PSD2: variants seen among roughly 807,000 people sequenced by gnomAD.
PSD2 encodes pleckstrin and Sec7 domain containing 2.
Under a neutral mutation model 69.8 loss-of-function variants are expected in PSD2, and 38 were observed. The ratio of observed to expected loss-of-function variants is 0.54; its 90% CI spans 0.42 to 0.71. The LOEUF (loss-of-function observed/expected upper bound fraction) is 0.71, where lower values mean the gene tolerates loss of function less well. Ranked by LOEUF, PSD2 falls within the 30% of genes least tolerant of loss-of-function variation. The pLI is 0.00. For synonymous variants in PSD2, 412 were observed against 423.0 expected, an observed-to-expected ratio of 0.97 and a Z score of 0.32; for missense variants, 943 against 1,014.5, an observed-to-expected ratio of 0.93 and a Z score of 0.96.
chr5:139,819,857 G>A (rs551359369), intron 5 of PSD2, among the ~76,000 whole-genome samples: 1 of 152,312 alleles, frequency 6.6e-6, no homozygotes, highest in Non-Finnish European at 1.5e-5. Flanking sequence ...AGAGGTGTGG[G>A]TGCTAGACTG....
rs1436938284 is a variant in PSD2, at chr5:139,839,917, G to T, written c.1969-110G>T. On this transcript the variant is annotated intron_variant, in intron 13 of 14. Transcript: ENST00000274710. The surrounding 1 kb of genome is among the most constrained non-coding windows in gnomAD (Gnocchi z 5.1). Reference sequence around the variant, plus strand: ...TCTGTCCCCACATTTTGGTGATGCTGGCTAGGCCTTCATTTCCCTTTGGTG... The same window carrying T: ...TCTGTCCCCACATTTTGGTGATGCTTGCTAGGCCTTCATTTCCCTTTGGTG... The T allele has an allele frequency of 8.0e-7, 1 of 1,255,572 alleles. No homozygotes were observed. The highest frequency in any genetic ancestry group is 1.1e-6 in the Non-Finnish European group (1 of 879,470). The allele number at this position is 1,255,572 out of a possible 1,614,324, so 77.8% of individuals were successfully genotyped here. A position where few individuals can be genotyped will look rare whatever the true frequency, so the allele number is the denominator to read the frequency against.
chr5:139,816,816 C>G (rs543770062), intron 4 of PSD2, among the ~76,000 whole-genome samples: 1 of 152,186 alleles, frequency 6.6e-6, no homozygotes, highest in African/African-American at 2.4e-5. Flanking sequence ...TGGGCTCAGC[C>G]CCACCCTGAG....
intron 1 of PSD2, among the ~76,000 whole-genome samples, chr5:139,803,345 C>G (rs1463786829): frequency 6.6e-6 from 1 of 152,210 alleles, no homozygotes; most frequent in Non-Finnish European, 1.5e-5. Flanking sequence ...GGCTGAGTGG[C>G]CTGTGCTGTG....
At chr5:139,831,315 T>A (rs922286943) in intron 7 of PSD2, among the ~76,000 whole-genome samples, 4 of 152,238 alleles carry the variant, frequency 2.6e-5, no homozygotes, top group African/African-American at 4.8e-5. Context: ...TTCTGTTCTT[T>A]TATATTTAAG....
the PSD2 span, among the ~76,000 whole-genome samples, chr5:139,758,028 G>A: frequency 6.6e-6 from 1 of 152,180 alleles, no homozygotes; most frequent in East Asian, 1.9e-4. Flanking sequence ...GCAAGTGAGT[G>A]AGGACCCTAT....
chr5:139,764,358 C>A, the PSD2 span, among the ~76,000 whole-genome samples: 1 of 152,194 alleles, frequency 6.6e-6, no homozygotes, highest in African/African-American at 2.4e-5. Flanking sequence ...GCTGCAGTTC[C>A]GCCTGGGCTG....
At chr5:139,748,454 C>G in the PSD2 span, among the ~76,000 whole-genome samples, 1 of 152,196 alleles carries the variant, frequency 6.6e-6, no homozygotes, top group African/African-American at 2.4e-5. Context: ...CCGCAATGCT[C>G]GTGCATTAGT....
intron 1 of PSD2, among the ~76,000 whole-genome samples, chr5:139,805,056 G>A (rs745566062): frequency 6.6e-6 from 1 of 152,136 alleles, no homozygotes; most frequent in East Asian, 1.9e-4. Context: ...GCGCATGTGT[G>A]TGTGCACGTG....
chr5:139,771,643 G>T, the PSD2 span, among the ~76,000 whole-genome samples: 1 of 152,152 alleles, frequency 6.6e-6, no homozygotes, highest in Admixed American at 6.5e-5. Flanking sequence ...CTCCCAAAGT[G>T]CTGGGATTAC....
At chr5:139,812,344 G>T (rs1234014454) in intron 2 of PSD2, among the ~76,000 whole-genome samples, 2 of 152,116 alleles carry the variant, frequency 1.3e-5, no homozygotes, top group African/African-American at 4.8e-5. Context: ...AGCTGGGGAA[G>T]AACACTTTGG....
chr5:139,754,114 G>C, the PSD2 span, among the ~76,000 whole-genome samples: 1 of 152,170 alleles, frequency 6.6e-6, no homozygotes, highest in Non-Finnish European at 1.5e-5. Context: ...GGGATTACAG[G>C]CATGAGCCAC....
chr5:139,831,511 A>G (rs1760598671), intron 7 of PSD2, among the ~76,000 whole-genome samples: 2 of 151,794 alleles, frequency 1.3e-5, no homozygotes. Flanking sequence ...TTAGAATTCA[A>G]TTTCCCTGCT....
chr5:139,745,606 G>GC, the PSD2 span, among the ~76,000 whole-genome samples: 11 of 152,336 alleles, frequency 7.2e-5, no homozygotes, highest in East Asian at 1.7e-3. Context: ...TCCTGACTTC[G>GC]CCCCCGTCCC....
upstream of PSD2, among the ~76,000 whole-genome samples, chr5:139,792,790 CCTCTCTTTCTCT>C (rs1215250686): frequency 6.8e-6 from 1 of 147,662 alleles, no homozygotes; most frequent in Non-Finnish European, 1.5e-5. Flanking sequence ...TCCCTCCCTC[CCTCTCTTTCTCT>C]CTCTCTTTTC....
intron 9 of PSD2, 24 bp downstream of exon 9, chr5:139,835,790 G>A: frequency 6.2e-7 from 1 of 1,612,438 alleles, no homozygotes; most frequent in African/African-American, 1.3e-5. Context: ...ATGGGCACAG[G>A]TATGGGGAGC....
chr5:139,753,040 CTG>C, the PSD2 span, among the ~76,000 whole-genome samples: 3 of 152,136 alleles, frequency 2.0e-5, no homozygotes, highest in Admixed American at 2.0e-4. Flanking sequence ...TGCCTTTCTC[CTG>C]GGCTAGACAC....
At chr5:139,840,253 T>A (rs986616603) in intron 14 of PSD2, 83 bp downstream of exon 14, 2 of 1,465,366 alleles carry the variant, frequency 1.4e-6, no homozygotes, top group African/African-American at 2.8e-5. Context: ...ACTGGGGAGG[T>A]GAAGCCTAGT....
Position 139,795,888 on chromosome 5 carries a change from A to AC in PSD2, c.-136dup, listed in dbSNP as rs1468289344. On this transcript the variant is annotated 5_prime_UTR_variant, in exon 1 of 15. Coordinates refer to ENST00000274710, the MANE Select transcript of PSD2 (RefSeq NM_032289.4). This position sits in a 1 kb window ranked among gnomAD's most constrained non-coding sequence, Gnocchi z 4.5. ...ACGCGGGCGGGCGCGGGCAGCTCCGACCGGCGGCGGCGGGGCGGGACAGGC... is the reference window on the plus strand; with the variant it reads ...ACGCGGGCGGGCGCGGGCAGCTCCGACCCGGCGGCGGCGGGGCGGGACAGGC... 6 of 150,750 alleles carry AC rather than the reference A, an allele frequency of 4.0e-5. No individual in the cohort carries two copies. Among genetic ancestry groups the AC allele is most frequent in the African/African-American group, 1.5e-4 (6 of 41,140 alleles). The allele number at this position is 150,750 out of a possible 1,614,324, so 9.3% of individuals were successfully genotyped here. A position where few individuals can be genotyped will look rare whatever the true frequency, so the allele number is the denominator to read the frequency against.
At chr5:139,764,609 C>T in the PSD2 span, among the ~76,000 whole-genome samples, 3 of 152,190 alleles carry the variant, frequency 2.0e-5, no homozygotes, top group African/African-American at 7.2e-5. Context: ...GCGCCGCCCT[C>T]CCCCGGCGCC....
Sources: allele counts gnomAD v4.1 joint callset (sites outside exome capture counted in the v4.1 genomes callset), GRCh38; gene constraint gnomAD v4.1.1; non-coding constraint Gnocchi (gnomAD v3.1); transcripts MANE v1.5; gene names NCBI Gene and HGNC (gene_info 2026-07-23, HGNC 2026-07-21).